The following ARMH4 variants were observed in gnomAD, a reference collection of about 807,000 sequenced individuals.
ARMH4 encodes armadillo like helical domain containing 4, also known as armadillo-like helical domain-containing protein 4.
In ARMH4, 49 loss-of-function variants were observed where a neutral mutation model predicts 61.9. The ratio of observed to expected loss-of-function variants is 0.79; its 90% CI spans 0.63 to 1.00. The LOEUF is 1.00. Among genes scored for constraint, ARMH4 ranks in the 50% least tolerant of loss-of-function variants. ARMH4 has a pLI of 0.00. For missense variants in ARMH4, 934 were observed against 930.0 expected, an observed-to-expected ratio of 1.00 and a Z score of -0.06; for synonymous variants, 368 against 341.5, an observed-to-expected ratio of 1.08 and a Z score of -0.85.
chr14:58,027,636 C>CTG (rs34624198), intron 5 of ARMH4, among the ~76,000 whole-genome samples: 149 of 151,436 alleles, frequency 9.8e-4, no homozygotes, highest in African/African-American at 3.3e-3. Flanking sequence ...ACACAGTTAC[C>CTG]TGTGTGTGTG....
chr14:58,149,999 T>G (rs1360350516), intron 1 of ARMH4, among the ~76,000 whole-genome samples: 1 of 152,128 alleles, frequency 6.6e-6, no homozygotes, highest in African/African-American at 2.4e-5. Flanking sequence ...CCTTTCAGCT[T>G]TATCATGTAG....
chr14:58,019,950 T>G (rs748301143), intron 5 of ARMH4, among the ~76,000 whole-genome samples: 7 of 152,192 alleles, frequency 4.6e-5, no homozygotes, highest in Non-Finnish European at 7.3e-5. Context: ...CAAAGTTTTA[T>G]GGACTATATT....
chr14:58,001,095 A>G lies in ARMH4; in HGVS notation c.*3641T>C, dbSNP rs1881969159. The G allele has an allele frequency of 6.6e-6, 1 of 152,234 alleles. No individual in the cohort carries two copies. The highest frequency in any genetic ancestry group is 2.4e-5 in the African/African-American group (1 of 41,468). The allele number at this position is 152,234 out of a possible 1,614,324, so 9.4% of individuals were successfully genotyped here. A position where few individuals can be genotyped will look rare whatever the true frequency, so the allele number is the denominator to read the frequency against. Reference sequence around the variant, plus strand: ...TTGATTATTTTGGATACCTCAAAGAAGTGCAATCATGCATTTGTCCTTCTG... The same window carrying G: ...TTGATTATTTTGGATACCTCAAAGAGGTGCAATCATGCATTTGTCCTTCTG... On this transcript the variant is annotated 3_prime_UTR_variant, in exon 8 of 8. Transcript: ENST00000267485.
chr14:58,033,220 GCCT>G (rs1314499597), intron 5 of ARMH4, among the ~76,000 whole-genome samples: 14 of 116,924 alleles, frequency 1.2e-4, no homozygotes, highest in African/African-American at 3.6e-4. Flanking sequence ...CGGGCAGACT[GCCT>G]CCTCAAGTGG....
chr14:58,098,351 G>A (rs1434665783), intron 4 of ARMH4, among the ~76,000 whole-genome samples: 1 of 152,166 alleles, frequency 6.6e-6, no homozygotes. Flanking sequence ...CCTAACGGGT[G>A]CCGTTGCAGA....
chr14:58,084,204 T>C (rs1285973296), intron 5 of ARMH4, among the ~76,000 whole-genome samples: 1 of 133,792 alleles, frequency 7.5e-6, no homozygotes, highest in Non-Finnish European at 1.6e-5. Flanking sequence ...AAGGTTCCAC[T>C]GGAAACAAAC....
At chr14:58,022,248 G>A (rs978741661) in intron 5 of ARMH4, among the ~76,000 whole-genome samples, 7 of 151,390 alleles carry the variant, frequency 4.6e-5, no homozygotes, top group South Asian at 2.1e-4. Context: ...CTTCCCCACC[G>A]CCACTCTCCA....
At chr14:58,007,553 A>G (rs1354400690) in intron 6 of ARMH4, among the ~76,000 whole-genome samples, 1 of 152,198 alleles carries the variant, frequency 6.6e-6, no homozygotes, top group Non-Finnish European at 1.5e-5. Context: ...TGAAATTACA[A>G]GTAAATTACA....
rs150234678 is a variant in ARMH4, at chr14:58,040,240, T to C, written c.2090-28090A>G. On this transcript the variant is annotated intron_variant, in intron 5 of 7. Coordinates refer to ENST00000267485, the MANE Select transcript of ARMH4 (RefSeq NM_001001872.4). The stretch of plus-strand genomic sequence containing the variant: ...ATAGGTAAACTCGTGTCACAGGGGT[T>C]TGGTGTACAGATTGTCACTCAGGTA... Among the ~76,000 whole-genome samples, 152 of 152,198 alleles carry C rather than the reference T, an allele frequency of 1.0e-3. 1 individual carries two copies. Among genetic ancestry groups the C allele is most frequent in the South Asian group, 4.2e-3 (20 of 4,812 alleles).
At position 58,139,317 on chromosome 14, in the gene ARMH4, A is replaced by T. The variant is rs201918152; in HGVS notation, c.42T>A (p.Cys14Ter). ...PIVLHICLAF[C>*]SLLLFSVATQ... Reference sequence around the variant, plus strand: ...TGGCAACGCTGAAAAGCAGAAGGCTACAGAAAGCCAGACAAATGTGCAATA... The same window carrying T: ...TGGCAACGCTGAAAAGCAGAAGGCTTCAGAAAGCCAGACAAATGTGCAATA... Residue 14 changes from cysteine (C) to a stop codon, truncating the protein, a stop_gained, in exon 2 of 8, where the codon TGT (cysteine) becomes TGA (stop). Transcript: ENST00000267485. LOFTEE classifies it high-confidence loss of function. 4 of 1,614,236 alleles carry T rather than the reference A, an allele frequency of 2.5e-6. No individual in the cohort carries two copies. The highest frequency in any genetic ancestry group is 3.4e-6 in the Non-Finnish European group (4 of 1,180,036).
At chr14:58,105,200 A>G (rs937855070) in intron 4 of ARMH4, among the ~76,000 whole-genome samples, 5 of 152,266 alleles carry the variant, frequency 3.3e-5, no homozygotes, top group Non-Finnish European at 7.3e-5. Context: ...AAAGAACTCA[A>G]TCAAATAACA....
At chr14:58,045,296 G>C (rs1185386818) in intron 5 of ARMH4, among the ~76,000 whole-genome samples, 2 of 152,304 alleles carry the variant, frequency 1.3e-5, no homozygotes, top group East Asian at 3.9e-4. Flanking sequence ...AAAATGATGA[G>C]TTCATGTGCT....
chr14:58,012,813 T>G (rs905834759), intron 5 of ARMH4, among the ~76,000 whole-genome samples: 1 of 152,240 alleles, frequency 6.6e-6, no homozygotes, highest in Non-Finnish European at 1.5e-5. Context: ...AAATTTTATG[T>G]AGACCATAGT....
intron 1 of ARMH4, among the ~76,000 whole-genome samples, chr14:58,148,205 C>A (rs185656496): frequency 2.4e-4 from 36 of 152,270 alleles, no homozygotes; most frequent in Admixed American, 7.2e-4. Flanking sequence ...TGCCACCACA[C>A]CCGGCTAATT....
At chr14:58,043,958 T>C (rs1883825648) in intron 5 of ARMH4, among the ~76,000 whole-genome samples, 1 of 152,032 alleles carries the variant, frequency 6.6e-6, no homozygotes, top group Admixed American at 6.5e-5. Flanking sequence ...CTCAATGAAA[T>C]AAAAGAGGAT....
In ARMH4 at chr14:58,061,435, T is replaced by C. The variant is rs370755158; in HGVS notation, c.2089+35289A>G. Among the ~76,000 whole-genome samples the C allele has an allele frequency of 8.5e-5, 13 of 152,284 alleles. No individual in the cohort carries two copies. The East Asian group carries it at 1.9e-3, about 23-fold the overall frequency. ...CACCACCTTACCGAGCCCACCTCACTGCCTGCCTAGAATCAATCCTTTCTG... is the reference window on the plus strand; with the variant it reads ...CACCACCTTACCGAGCCCACCTCACCGCCTGCCTAGAATCAATCCTTTCTG... On this transcript the variant is annotated intron_variant, in intron 5 of 7. Transcript: ENST00000267485.
At chr14:58,125,396 G>A (rs769643559) in intron 4 of ARMH4, among the ~76,000 whole-genome samples, 1 of 152,174 alleles carries the variant, frequency 6.6e-6, no homozygotes, top group African/African-American at 2.4e-5. Context: ...GTTAGGCATT[G>A]ATAGCACCCA....
At chr14:58,064,160 T>C (rs909195998) in intron 5 of ARMH4, among the ~76,000 whole-genome samples, 5 of 150,064 alleles carry the variant, frequency 3.3e-5, no homozygotes, top group Middle Eastern at 3.2e-3. Flanking sequence ...CGGTCACTTA[T>C]AATATTTATG....
At chr14:58,042,653 C>A (rs578233887) in intron 5 of ARMH4, among the ~76,000 whole-genome samples, 12 of 152,064 alleles carry the variant, frequency 7.9e-5, no homozygotes, top group Non-Finnish European at 1.2e-4. Flanking sequence ...AAATCAATGA[C>A]TCCAGGAGCT....
Sources: allele counts gnomAD v4.1 joint callset (sites outside exome capture counted in the v4.1 genomes callset), GRCh38; gene constraint gnomAD v4.1.1; transcripts MANE v1.5; gene names NCBI Gene and HGNC (gene_info 2026-07-23, HGNC 2026-07-21).